MAGEA11: variants seen among roughly 807,000 people sequenced by gnomAD.
MAGEA11 encodes melanoma-associated antigen 11.
Under a neutral mutation model 8.4 loss-of-function variants are expected in MAGEA11, and 1 was observed. The observed-to-expected ratio is 0.12, with a 90% CI of 0.04 to 0.57. MAGEA11 has a LOEUF of 0.57. MAGEA11 is among the 20% of genes least tolerant of loss of function. The probability of loss-of-function intolerance (pLI) is 0.91; values close to 1 mark genes in which losing one functional copy is unlikely to be tolerated. For synonymous variants in MAGEA11, 127 were observed against 119.3 expected (o/e 1.06, Z -0.42); for missense variants, 209 against 317.3 (o/e 0.66, Z 2.59).
chrX:149,715,160 T>G (rs1284531069), intron 3 of MAGEA11, among the ~76,000 whole-genome samples: 2 of 111,554 alleles, frequency 1.8e-5, no homozygotes, highest in Admixed American at 1.9e-4. Flanking sequence ...GCTATTGATC[T>G]GAGAGTTTCT....
chrX:149,702,303 TTC>T (rs1256054414), intron 1 of MAGEA11, among the ~76,000 whole-genome samples: 1 of 111,821 alleles, frequency 8.9e-6, no homozygotes, highest in Non-Finnish European at 1.9e-5. Context: ...AATTATTTAT[TTC>T]TCTCTTTAAT....
intron 1 of MAGEA11, among the ~76,000 whole-genome samples, chrX:149,690,638 C>T (rs911698997): frequency 3.6e-5 from 4 of 112,380 alleles, no homozygotes; most frequent in African/African-American, 1.3e-4. Flanking sequence ...AACTTAATAC[C>T]TTTAAGTACT....
rs1335718294 is a variant in MAGEA11 at position 149,713,340 on chromosome X, A to G, written c.96+85A>G. On this transcript the variant is annotated intron_variant, in intron 2 of 4. Coordinates refer to ENST00000355220, the MANE Select transcript of MAGEA11 (RefSeq NM_005366.5). ...TCACTCTGCCTTTGGGGTGTCAGCA[A>G]GGAGTGGGTTGTGGTCTGAGGAGTG... 8.0e-6 allele frequency: 5 copies of G among 621,679 alleles called. No homozygotes were observed. The Admixed American group carries it at 1.5e-4, about 19-fold the overall frequency. 51.2% of individuals were successfully genotyped at this position (621,679 alleles called of 1,213,427 possible). A position where few individuals can be genotyped will look rare whatever the true frequency, so the allele number is the denominator to read the frequency against.
Position 149,712,816 on chromosome X carries a change from G to GC in MAGEA11, c.-17-327_-17-326insC, listed in dbSNP as rs1317265619. Among the ~76,000 whole-genome samples, 181 of 110,848 alleles carry GC rather than the reference G, an allele frequency of 1.6e-3. 1 individual carries two copies. The highest frequency in any genetic ancestry group is 3.0e-3 in the Non-Finnish European group (156 of 52,064). ...GGTGTGACCAGGGCAGGGCTGGTTG[G>GC]GGGGGGCAGGACCCAGGTTCTGCCA... On this transcript the variant is annotated intron_variant, in intron 1 of 4. Transcript: ENST00000355220.
chrX:149,716,793 GGGCC>G lies in MAGEA11; in HGVS notation c.*18_*21del. ...GGAGTCTGAGCATGAGATGCAACCA[GGGCC>G]AGCGGGCAGGGAAATGGGCCAATGC... is the stretch of plus-strand genomic sequence containing the variant. On this transcript the variant is annotated 3_prime_UTR_variant, in exon 5 of 5. Coordinates refer to ENST00000355220, the MANE Select transcript of MAGEA11 (RefSeq NM_005366.5). 8.5e-7 allele frequency: 1 copy of G among 1,171,642 alleles called. No homozygotes were observed. The highest frequency in any genetic ancestry group is 1.1e-6 in the Non-Finnish European group (1 of 874,141).
chrX:149,700,164 T>G (rs144765583), intron 1 of MAGEA11, among the ~76,000 whole-genome samples: 1 of 112,547 alleles, frequency 8.9e-6, no homozygotes, highest in East Asian at 2.8e-4. Flanking sequence ...TCCTTGGAAT[T>G]TAATGTTTAT....
intron 1 of MAGEA11, chrX:149,689,030 T>C: frequency 1.0e-6 from 1 of 994,373 alleles, no homozygotes; most frequent in Non-Finnish European, 1.3e-6. Context: ...GGAGTGGGAA[T>C]GCCCAGGACC....
At chrX:149,694,778 A>G (rs1295770678) in intron 1 of MAGEA11, among the ~76,000 whole-genome samples, 1 of 108,932 alleles carries the variant, frequency 9.2e-6, no homozygotes, top group Non-Finnish European at 1.9e-5. Flanking sequence ...CTGGAGTGCA[A>G]TGGCATGATC....
At chrX:149,708,704 C>G (rs1438613319), upstream of MAGEA11, among the ~76,000 whole-genome samples, 2 of 110,986 alleles carry the variant, frequency 1.8e-5, no homozygotes, top group African/African-American at 6.6e-5. Flanking sequence ...TAGGCTGTCT[C>G]AGAGCCAGGT....
intron 1 of MAGEA11, among the ~76,000 whole-genome samples, chrX:149,691,797 AG>A: frequency 8.9e-6 from 1 of 112,745 alleles, no homozygotes; most frequent in Non-Finnish European, 1.9e-5. Context: ...AAAAACATCA[AG>A]GCTTTCCTGC....
At chrX:149,709,285 GAAAA>G (rs782440028), upstream of MAGEA11, among the ~76,000 whole-genome samples, 1 of 79,401 alleles carries the variant, frequency 1.3e-5, no homozygotes. Flanking sequence ...ACTCTGTCTC[GAAAA>G]AAAAAAAAAA....
upstream of MAGEA11, among the ~76,000 whole-genome samples, chrX:149,711,340 C>T (rs1338480789): frequency 8.9e-6 from 1 of 111,912 alleles, no homozygotes; most frequent in African/African-American, 3.3e-5. Flanking sequence ...GCAGGACTTC[C>T]GCAAATTTCT....
Position 149,715,651 on chromosome X carries a change from C to T in MAGEA11, c.240C>T (p.Thr80=). ...ANLEDRSPRR[T]QRITGGEQVL... ...TGGAGGACAGGAGTCCCAGGAGAAC[C>T]CAGAGGATCACTGGAGGAGAACAAG... The change falls in exon 4 of 5, where the codon ACC becomes ACT. Residue 80 remains threonine (T), a synonymous_variant. Transcript: ENST00000355220. 1 of 1,208,908 alleles carries T rather than the reference C, an allele frequency of 8.3e-7. No homozygotes were observed. Among genetic ancestry groups the T allele is most frequent in the South Asian group, 1.8e-5 (1 of 56,839 alleles).
chrX:149,688,640 GTACATA>G (rs1343868067), upstream of MAGEA11, among the ~76,000 whole-genome samples: 4 of 104,196 alleles, frequency 3.8e-5, no homozygotes, highest in Non-Finnish European at 5.8e-5. Context: ...ATATATGTAT[GTACATA>G]TACATATACA....
At chrX:149,705,739 G>A (rs782109194) in intron 1 of MAGEA11, among the ~76,000 whole-genome samples, 1 of 111,726 alleles carries the variant, frequency 9.0e-6, no homozygotes, top group East Asian at 2.8e-4. Flanking sequence ...CCATGTATGG[G>A]CACAGGAAGG....
chrX:149,704,860 C>T (rs183954194), intron 1 of MAGEA11, among the ~76,000 whole-genome samples: 4 of 112,765 alleles, frequency 3.5e-5, no homozygotes, highest in African/African-American at 1.3e-4. Context: ...GGCTGGCAAC[C>T]AGATACATGG....
chrX:149,708,363 T>C (rs782642592), upstream of MAGEA11, among the ~76,000 whole-genome samples: 33 of 111,891 alleles, frequency 2.9e-4, no homozygotes, highest in Non-Finnish European at 3.9e-4. Flanking sequence ...ATCAATAATA[T>C]CACAAATCTC....
At chrX:149,699,532 G>A (rs1290281518) in intron 1 of MAGEA11, among the ~76,000 whole-genome samples, 1 of 111,602 alleles carries the variant, frequency 9.0e-6, no homozygotes, top group Non-Finnish European at 1.9e-5. Flanking sequence ...TATTGAAGCT[G>A]TGCAACAAAG....
chrX:149,716,365 C>T lies in MAGEA11; in HGVS notation c.879C>T (p.Thr293=). 8.3e-7 allele frequency: 1 copy of T among 1,211,628 alleles called. No homozygotes were observed. The highest frequency in any genetic ancestry group is 3.0e-5 in the East Asian group (1 of 33,823). The change falls in exon 5 of 5, where the codon ACC becomes ACT. Residue 293 remains threonine (T), a synonymous_variant. Coordinates refer to ENST00000355220, the MANE Select transcript of MAGEA11 (RefSeq NM_005366.5). ...DPTSHSYVLV[T]SLNLSYDGIQ... Reference sequence around the variant, plus strand: ...CTAGCCACTCCTATGTCCTTGTCACCTCCCTCAACCTCTCTTATGATGGCA... The same window carrying T: ...CTAGCCACTCCTATGTCCTTGTCACTTCCCTCAACCTCTCTTATGATGGCA...
Sources: gnomAD v4.1 joint callset for allele counts (sites outside exome capture counted in the v4.1 genomes callset) on GRCh38, gnomAD v4.1.1 for gene constraint, MANE v1.5 for transcripts, NCBI Gene and HGNC (gene_info 2026-07-23, HGNC 2026-07-21) for gene names.